Variants in SMG9 observed in about 807,000 individuals in gnomAD.
The protein encoded by SMG9 is SMG9 nonsense mediated mRNA decay factor.
A neutral mutation model predicts 64.0 loss-of-function variants in SMG9; 55 were observed. The ratio of observed to expected loss-of-function variants is 0.86; its 90% CI spans 0.69 to 1.08. The LOEUF is 1.08. SMG9 is among the 50% of genes least tolerant of loss of function. The probability of loss-of-function intolerance (pLI) is 0.00; values close to 1 mark genes in which losing one functional copy is unlikely to be tolerated. For missense variants in SMG9, 554 were observed against 681.3 expected (o/e 0.81, Z 2.08); for synonymous variants, 244 against 254.8 (o/e 0.96, Z 0.41).
At chr19:43,745,903 A>G (rs1968985320) in intron 5 of SMG9, among the ~76,000 whole-genome samples, 1 of 152,182 alleles carries the variant, frequency 6.6e-6, no homozygotes, top group South Asian at 2.1e-4. Flanking sequence ...CGGAAGGCTG[A>G]GGCAGGAGAA....
rs1969301348 is a variant in SMG9, at chr19:43,754,698, C to T, written c.-51G>A. On this transcript the variant is annotated 5_prime_UTR_variant, in exon 1 of 14. Coordinates refer to ENST00000270066, the MANE Select transcript of SMG9 (RefSeq NM_019108.4). ...GTTCTCGGGGCGCGGTGTGCGCTCTCCCGTGACGGGAGTCGGGTGGGGGCG... is the reference window on the plus strand; with the variant it reads ...GTTCTCGGGGCGCGGTGTGCGCTCTTCCGTGACGGGAGTCGGGTGGGGGCG... 1.3e-5 allele frequency: 2 copies of T among 152,042 alleles called. No individual in the cohort carries two copies. 9.4% of individuals were successfully genotyped at this position (152,042 alleles called of 1,614,324 possible). A position where few individuals can be genotyped will look rare whatever the true frequency, so the allele number is the denominator to read the frequency against.
At chr19:43,742,559 C>T (rs1490003776) in intron 6 of SMG9, among the ~76,000 whole-genome samples, 1 of 152,212 alleles carries the variant, frequency 6.6e-6, no homozygotes, top group Admixed American at 6.5e-5. Flanking sequence ...TTACTATCTT[C>T]CCTATTAAAA....
intron 6 of SMG9, among the ~76,000 whole-genome samples, chr19:43,744,067 G>C (rs146639522): frequency 1.3e-5 from 2 of 151,866 alleles, no homozygotes; most frequent in Admixed American, 6.6e-5. Context: ...CCCCAGTTTC[G>C]GGACCTGTTT....
chr19:43,749,513 G>A (rs1320580294), intron 2 of SMG9, among the ~76,000 whole-genome samples: 2 of 152,196 alleles, frequency 1.3e-5, no homozygotes, highest in African/African-American at 2.4e-5. Flanking sequence ...TTATGTGGAA[G>A]GAAGAGAGAC....
At chr19:43,734,728 A>T (rs1423425866) in intron 9 of SMG9, 313 of 366,626 alleles carry the variant, frequency 8.5e-4, no homozygotes, top group Middle Eastern at 2.2e-3. Flanking sequence ...TTTTTTTTTT[A>T]AAGGCTATTT....
intron 6 of SMG9, among the ~76,000 whole-genome samples, chr19:43,742,890 C>T (rs1405085105): frequency 1.3e-5 from 2 of 151,976 alleles, no homozygotes; most frequent in Non-Finnish European, 2.9e-5. Context: ...GAGTTCAAGA[C>T]CAGCCTGGTA....
chr19:43,737,224 G>A (rs1227914856), intron 9 of SMG9, among the ~76,000 whole-genome samples: 1 of 152,170 alleles, frequency 6.6e-6, no homozygotes, highest in Non-Finnish European at 1.5e-5. Context: ...AGTGAGCCGA[G>A]ATTGTACCAC....
In SMG9 at chr19:43,730,045, C is replaced by A; in HGVS notation, c.*1551G>T. ...CTGAGTGCTTTCTTCACTGACCCCC[C>A]GCCCCCCCTCACTTCAGTTGTTTCT... On this transcript the variant is annotated 3_prime_UTR_variant, in exon 14 of 14. Coordinates refer to ENST00000270066, the MANE Select transcript of SMG9 (RefSeq NM_019108.4). 6.5e-6 allele frequency: 1 copy of A among 152,844 alleles called. No individual in the cohort carries two copies. The allele number at this position is 152,844 out of a possible 1,614,324, so 9.5% of individuals were successfully genotyped here. A position where few individuals can be genotyped will look rare whatever the true frequency, so the allele number is the denominator to read the frequency against.
chr19:43,734,602 CAG>C (rs1555788215), intron 9 of SMG9, 107 bp from the exon 10 acceptor site: 2 of 687,122 alleles, frequency 2.9e-6, no homozygotes, highest in Non-Finnish European at 5.0e-6. Flanking sequence ...CAGCCATGCT[CAG>C]AAAAATACCA....
chr19:43,753,746 C>T lies in SMG9; in HGVS notation c.-7+908G>A, dbSNP rs530165972. Among the ~76,000 whole-genome samples the T allele has an allele frequency of 5.9e-5, 9 of 152,134 alleles. No individual in the cohort carries two copies. The South Asian group carries it at 1.9e-3, about 32-fold the overall frequency. The stretch of plus-strand genomic sequence containing the variant: ...AAAGTGATCGGATTCCCCGGGTAAG[C>T]CACCGCACCTGGCCTCCCTGTGCCC... On this transcript the variant is annotated intron_variant, in intron 1 of 13. Coordinates refer to ENST00000270066, the MANE Select transcript of SMG9 (RefSeq NM_019108.4).
chr19:43,734,989 TCA>T (rs1968610168), intron 9 of SMG9, among the ~76,000 whole-genome samples: 1 of 152,204 alleles, frequency 6.6e-6, no homozygotes, highest in Non-Finnish European at 1.5e-5. Flanking sequence ...CATTATAGCA[TCA>T]CAGAGTAGTT....
At chr19:43,751,295 G>A (rs1464590359) in intron 1 of SMG9, among the ~76,000 whole-genome samples, 2 of 144,814 alleles carry the variant, frequency 1.4e-5, no homozygotes, top group African/African-American at 5.1e-5. Context: ...CACCACACCC[G>A]ACTAATTTTT....
At chr19:43,734,567 T>C in intron 9 of SMG9, 72 bp from the exon 10 acceptor site, 1 of 959,040 alleles carries the variant, frequency 1.0e-6, no homozygotes, top group Non-Finnish European at 1.6e-6. Flanking sequence ...GACAGGGGCT[T>C]CCTTTGAGAT....
chr19:43,733,513 G>A, intron 11 of SMG9, 61 bp from the exon 12 acceptor site: 2 of 1,611,600 alleles, frequency 1.2e-6, no homozygotes, highest in Non-Finnish European at 1.7e-6. Context: ...AGTGGGAATT[G>A]TTGACAGTCA....
intron 2 of SMG9, 148 bp downstream of exon 2, chr19:43,750,444 C>T: frequency 1.0e-6 from 1 of 956,840 alleles, no homozygotes; most frequent in Non-Finnish European, 1.5e-6. Context: ...AGAACAGTCT[C>T]CTTTATCACT....
At chr19:43,753,210 T>C (rs186594411) in intron 1 of SMG9, among the ~76,000 whole-genome samples, 5 of 152,256 alleles carry the variant, frequency 3.3e-5, no homozygotes, top group African/African-American at 1.2e-4. Flanking sequence ...TTACAGCTGC[T>C]TAGGGAAAAT....
chr19:43,746,881 T>TC (rs1488977824), intron 5 of SMG9, among the ~76,000 whole-genome samples: 19 of 151,752 alleles, frequency 1.3e-4, no homozygotes, highest in African/African-American at 4.6e-4. Flanking sequence ...GAGTGCAATG[T>TC]CATGATCACA....
Position 43,733,428 on chromosome 19 carries a change from T to A in SMG9, c.1235A>T (p.Asn412Ile). 1.2e-6 allele frequency: 2 copies of A among 1,613,942 alleles called. No individual in the cohort carries two copies. The highest frequency in any genetic ancestry group is 1.7e-6 in the Non-Finnish European group (2 of 1,180,012). ...GTCAGGTGGAAGCCCCGGGAAGACATTGCATTGTAACATGGACAGAGTTCC... is the reference window on the plus strand; with the variant it reads ...GTCAGGTGGAAGCCCCGGGAAGACAATGCATTGTAACATGGACAGAGTTCC... ...YKGTLSMLQC[N>I]VFPGLPPDFL... Residue 412 changes from asparagine to isoleucine, a missense_variant, in exon 12 of 14, where the codon AAT becomes ATT. Asn to Ile is a moderately radical substitution (Grantham distance 149). Coordinates refer to ENST00000270066, the MANE Select transcript of SMG9 (RefSeq NM_019108.4).
At chr19:43,737,566 C>T (rs778398285) in intron 9 of SMG9, 31 bp downstream of exon 9, 2 of 1,594,330 alleles carry the variant, frequency 1.3e-6, no homozygotes, top group East Asian at 4.5e-5. Flanking sequence ...CTCATTCCTC[C>T]TCCCCACCCT....
Sources: allele counts gnomAD v4.1 joint callset (sites outside exome capture counted in the v4.1 genomes callset), GRCh38; gene constraint gnomAD v4.1.1; transcripts MANE v1.5; gene names NCBI Gene and HGNC (gene_info 2026-07-23, HGNC 2026-07-21).